The following KIAA1217 variants were observed in gnomAD, a reference collection of about 807,000 sequenced individuals.
KIAA1217 encodes KIAA1217.
Under a neutral mutation model 163.9 loss-of-function variants are expected in KIAA1217, and 88 were observed. The observed-to-expected ratio is 0.54, with a 90% CI of 0.45 to 0.64. KIAA1217 has a LOEUF of 0.64. Among genes scored for constraint, KIAA1217 ranks in the 30% least tolerant of loss-of-function variants. KIAA1217 has a pLI of 0.00. For synonymous variants in KIAA1217, 903 were observed against 923.1 expected (o/e 0.98, Z 0.39); for missense variants, 2,372 against 2,475.0 (o/e 0.96, Z 0.88).
chr10:24,176,810 G>A (rs1320352947), intron 2 of KIAA1217, among the ~76,000 whole-genome samples: 1 of 152,220 alleles, frequency 6.6e-6, no homozygotes, highest in Non-Finnish European at 1.5e-5. Context: ...AAGCCATGCG[G>A]TAGCCCACGG....
chr10:23,877,065 TTC>T (rs1311718808), intron 1 of KIAA1217, among the ~76,000 whole-genome samples: 1 of 151,988 alleles, frequency 6.6e-6, no homozygotes, highest in Non-Finnish European at 1.5e-5. Context: ...ACAGGATCAT[TTC>T]TAGGGTCCCT....
intron 2 of KIAA1217, among the ~76,000 whole-genome samples, chr10:24,221,071 T>C (rs895732808): frequency 3.3e-5 from 5 of 152,132 alleles, no homozygotes; most frequent in African/African-American, 1.2e-4. Flanking sequence ...TTTTTTTCTT[T>C]TGAATCACAG....
At chr10:24,079,337 G>A (rs558578306) in intron 2 of KIAA1217, among the ~76,000 whole-genome samples, 30 of 152,286 alleles carry the variant, frequency 2.0e-4, no homozygotes, top group African/African-American at 7.0e-4. Context: ...CCCCCATGGA[G>A]GGCCATTTGA....
intron 5 of KIAA1217, among the ~76,000 whole-genome samples, chr10:24,445,830 G>T (rs1314643954): frequency 6.6e-6 from 1 of 151,906 alleles, no homozygotes; most frequent in African/African-American, 2.4e-5. Flanking sequence ...GAATAGTGCC[G>T]CAATAAACAT....
intron 1 of KIAA1217, among the ~76,000 whole-genome samples, chr10:23,953,478 T>C (rs1272511520): frequency 6.6e-6 from 1 of 152,232 alleles, no homozygotes; most frequent in Non-Finnish European, 1.5e-5. Flanking sequence ...TTGCCATCTA[T>C]GTTTCATTGT....
intron 2 of KIAA1217, among the ~76,000 whole-genome samples, chr10:24,106,474 C>G (rs1034702755): frequency 6.6e-6 from 1 of 151,510 alleles, no homozygotes; most frequent in Non-Finnish European, 1.5e-5. Context: ...CCACTCTAGC[C>G]TACTAGATTA....
chr10:23,768,666 A>G (rs1430599385), intron 1 of KIAA1217, among the ~76,000 whole-genome samples: 1 of 152,224 alleles, frequency 6.6e-6, no homozygotes, highest in Non-Finnish European at 1.5e-5. Context: ...TAATGGAGCA[A>G]TTGGGCTTCA....
intron 1 of KIAA1217, among the ~76,000 whole-genome samples, chr10:23,830,666 A>ATAGG (rs143607296): frequency 0.2 from 29,674 of 147,762 alleles, 3,290 homozygotes; most frequent in African/African-American, 0.29. Context: ...ATGAGAAATC[A>ATAGG]TAGGTAGGTA....
Position 24,522,069 on chromosome 10 carries a change from C to A in KIAA1217, c.2456+140C>A, listed in dbSNP as rs188211278. ...CTGAGGAAAAGCCCCAAGTCCTTCT[C>A]ACCCTTGAACTTTTATTGCAATATG... On this transcript the variant is annotated intron_variant, in intron 12 of 20. Transcript: ENST00000376454. The A allele has an allele frequency of 6.7e-6, 6 of 895,252 alleles. No individual in the cohort carries two copies. The East Asian group carries it at 1.4e-4, about 20-fold the overall frequency. 55.5% of individuals were successfully genotyped at this position (895,252 alleles called of 1,614,324 possible). A position where few individuals can be genotyped will look rare whatever the true frequency, so the allele number is the denominator to read the frequency against.
At chr10:24,378,407 A>C (rs921519204) in intron 2 of KIAA1217, among the ~76,000 whole-genome samples, 2 of 151,964 alleles carry the variant, frequency 1.3e-5, no homozygotes, top group African/African-American at 4.8e-5. Flanking sequence ...CACCTCCCTC[A>C]CCTACACTCT....
In KIAA1217 at chr10:24,157,759, G is replaced by A. The variant is rs2064943147; in HGVS notation, c.-170-61867G>A. ...AAATTAAAAAGACTGATTATACCAA[G>A]TGTTGGTGATGAAGTAGAGCAACTG... On this transcript the variant is annotated intron_variant, in intron 2 of 18. Transcript: ENST00000376462. The A allele has an allele frequency of 3.5e-5, 12 of 341,500 alleles. No homozygotes were observed. The East Asian group carries it at 6.6e-4, about 19-fold the overall frequency. The allele number at this position is 341,500 out of a possible 1,614,324, so 21.2% of individuals were successfully genotyped here.
chr10:24,052,899 T>G (rs1360488422), intron 2 of KIAA1217, among the ~76,000 whole-genome samples: 5 of 152,126 alleles, frequency 3.3e-5, no homozygotes, highest in Non-Finnish European at 5.9e-5. Flanking sequence ...ATCTCTTCTA[T>G]AATCACATAA....
At chr10:23,975,298 A>C (rs1392274544) in intron 1 of KIAA1217, among the ~76,000 whole-genome samples, 1 of 152,106 alleles carries the variant, frequency 6.6e-6, no homozygotes, top group Non-Finnish European at 1.5e-5. Context: ...TTCTGACTGG[A>C]AGTGAGATCT....
intron 1 of KIAA1217, among the ~76,000 whole-genome samples, chr10:23,751,874 T>A (rs1839756462): frequency 6.6e-6 from 1 of 152,216 alleles, no homozygotes; most frequent in South Asian, 2.1e-4. Flanking sequence ...TTTAAAACGA[T>A]GAGATGAGAG....
chr10:23,744,020 T>C (rs560299561), intron 1 of KIAA1217, among the ~76,000 whole-genome samples: 24 of 152,286 alleles, frequency 1.6e-4, no homozygotes, highest in Middle Eastern at 3.4e-3. Flanking sequence ...AGAGATAGTT[T>C]TCTAGTAGAA....
chr10:24,292,925 G>A (rs759623878), intron 2 of KIAA1217, among the ~76,000 whole-genome samples: 5 of 152,100 alleles, frequency 3.3e-5, no homozygotes, highest in Non-Finnish European at 5.9e-5. Context: ...CTGGAAATAC[G>A]CAGACATCTA....
At chr10:23,734,675 C>A (rs961057843) in intron 1 of KIAA1217, among the ~76,000 whole-genome samples, 2 of 152,066 alleles carry the variant, frequency 1.3e-5, no homozygotes, top group African/African-American at 4.8e-5. Context: ...AAAAAATATT[C>A]TTACACTATG....
chr10:23,922,770 C>A (rs956434757), intron 1 of KIAA1217, among the ~76,000 whole-genome samples: 6 of 151,998 alleles, frequency 3.9e-5, no homozygotes, highest in Non-Finnish European at 4.4e-5. Flanking sequence ...AAGGGGGATG[C>A]TTTTAATGAC....
rs190638247 is a variant in KIAA1217 at position 24,331,946 on chromosome 10, C to T, written c.355-48923C>T. ...TCCTGAGTAGCTGGGATTACAGGCG[C>T]GTGCCACCATGCCCAGCTGATGTTT... is the stretch of plus-strand genomic sequence containing the variant. On this transcript the variant is annotated intron_variant, in intron 2 of 20. Transcript: ENST00000376454. Among the ~76,000 whole-genome samples the T allele has an allele frequency of 2.1e-4, 32 of 152,216 alleles. No homozygotes were observed. The South Asian group carries it at 2.9e-3, about 14-fold the overall frequency.
Sources: allele counts gnomAD v4.1 joint callset (sites outside exome capture counted in the v4.1 genomes callset), GRCh38; gene constraint gnomAD v4.1.1; transcripts MANE v1.5; gene names NCBI Gene and HGNC (gene_info 2026-07-23, HGNC 2026-07-21).